PAPPA2: variants seen among roughly 807,000 people sequenced by gnomAD.
PAPPA2 encodes the protein pappalysin 2, also known as pappalysin-2.
A neutral mutation model predicts 176.4 loss-of-function variants in PAPPA2; 86 were observed. That is an observed-to-expected ratio of 0.49 (90% CI 0.41 to 0.58). The LOEUF (loss-of-function observed/expected upper bound fraction) is 0.58, where lower values mean the gene tolerates loss of function less well. Ranked by LOEUF, PAPPA2 falls within the 20% of genes least tolerant of loss-of-function variation. The pLI is 0.00. For synonymous variants in PAPPA2, 809 were observed against 852.2 expected (o/e 0.95, Z 0.88); for missense variants, 2,073 against 2,256.9 (o/e 0.92, Z 1.65).
At chr1:176,644,386 T>C (rs895777452) in intron 3 of PAPPA2, among the ~76,000 whole-genome samples, 5 of 151,874 alleles carry the variant, frequency 3.3e-5, no homozygotes, top group African/African-American at 1.2e-4. Context: ...CTGGAGTTTA[T>C]GAGTGACAGG....
chr1:176,741,424 G>A lies in PAPPA2; in HGVS notation c.4151+1228G>A, dbSNP rs116073315. 8.6e-3 allele frequency among the ~76,000 whole-genome samples: 1,315 copies of A among 152,294 alleles called. 17 individuals are homozygous for A. Among genetic ancestry groups the A allele is most frequent in the African/African-American group, 0.028 (1,156 of 41,552 alleles). Reference sequence around the variant, plus strand: ...TCTCCGCAGCTATCTGAGTGTCTTTGTGACATGGCAGCCAGTGATCCAAGA... The same window carrying A: ...TCTCCGCAGCTATCTGAGTGTCTTTATGACATGGCAGCCAGTGATCCAAGA... On this transcript the variant is annotated intron_variant, in intron 14 of 22. Coordinates refer to ENST00000367662, the MANE Select transcript of PAPPA2 (RefSeq NM_020318.3).
chr1:176,743,132 G>A (rs1662759277), intron 14 of PAPPA2, among the ~76,000 whole-genome samples: 1 of 152,118 alleles, frequency 6.6e-6, no homozygotes, highest in Non-Finnish European at 1.5e-5. Context: ...AAGCAAGCCT[G>A]GCAGCCAGAA....
chr1:176,769,551 C>T, intron 15 of PAPPA2, 56 bp from the exon 16 acceptor site: 1 of 1,534,152 alleles, frequency 6.5e-7, no homozygotes. Flanking sequence ...AGCCTGGAAA[C>T]TACTCTGATA....
intron 20 of PAPPA2, among the ~76,000 whole-genome samples, chr1:176,795,424 T>A (rs761442449): frequency 1.3e-5 from 2 of 152,172 alleles, no homozygotes; most frequent in African/African-American, 4.8e-5. Flanking sequence ...CTTTTTGTTT[T>A]CCCAAAAAGC....
intron 1 of PAPPA2, among the ~76,000 whole-genome samples, chr1:176,515,713 T>C (rs2102529901): frequency 6.6e-6 from 1 of 152,154 alleles, no homozygotes; most frequent in Non-Finnish European, 1.5e-5. Context: ...CATTTTGGCT[T>C]TTTTTTTCAC....
intron 3 of PAPPA2, among the ~76,000 whole-genome samples, chr1:176,645,274 C>T (rs1198432089): frequency 6.6e-6 from 1 of 151,698 alleles, no homozygotes; most frequent in Non-Finnish European, 1.5e-5. Context: ...CTCTGGTAAC[C>T]ACAATTCTAC....
Position 176,597,935 on chromosome 1 carries a change from C to G in PAPPA2, c.1991+2340C>G, listed in dbSNP as rs552334237. 5.9e-5 allele frequency among the ~76,000 whole-genome samples: 9 copies of G among 152,250 alleles called. No individual in the cohort carries two copies. The East Asian group carries it at 1.5e-3, about 26-fold the overall frequency. On this transcript the variant is annotated intron_variant, in intron 3 of 22. Coordinates refer to ENST00000367662, the MANE Select transcript of PAPPA2 (RefSeq NM_020318.3). ...TTTCTCTGAGTTCCTATCACACTGC[C>G]CTTATCTGGGTGTTTATAACTTACT...
At chr1:176,664,831 A>G (rs1460975432) in intron 3 of PAPPA2, among the ~76,000 whole-genome samples, 1 of 152,166 alleles carries the variant, frequency 6.6e-6, no homozygotes, top group Admixed American at 6.5e-5. Context: ...GGTTTTCCAT[A>G]TTTGAATTTC....
At chr1:176,491,788 AT>A (rs1475775010) in intron 1 of PAPPA2, among the ~76,000 whole-genome samples, 1 of 152,120 alleles carries the variant, frequency 6.6e-6, no homozygotes, top group African/African-American at 2.4e-5. Context: ...AGTATTTCTA[AT>A]TTTTACTCAG....
intron 3 of PAPPA2, among the ~76,000 whole-genome samples, chr1:176,626,095 AT>A (rs1655994113): frequency 6.6e-6 from 1 of 152,162 alleles, no homozygotes; most frequent in Non-Finnish European, 1.5e-5. Context: ...AATTTACATA[AT>A]TTAAGTAATT....
Position 176,843,841 on chromosome 1 carries a change from A to G in PAPPA2, c.*1387A>G, listed in dbSNP as rs777653943. ...AATCTGAGATAAATTCTCTTCAAGT[A>G]TCATGTACAAAATCTGTGAGCCAGA... On this transcript the variant is annotated 3_prime_UTR_variant, in exon 23 of 23. Transcript: ENST00000367662. 6.6e-6 allele frequency: 1 copy of G among 152,146 alleles called. No homozygotes were observed. The highest frequency in any genetic ancestry group is 1.5e-5 in the Non-Finnish European group (1 of 68,018). 9.4% of individuals were successfully genotyped at this position (152,146 alleles called of 1,614,324 possible).
intron 3 of PAPPA2, among the ~76,000 whole-genome samples, chr1:176,602,254 G>A (rs533990205): frequency 7.2e-5 from 11 of 152,254 alleles, no homozygotes; most frequent in Non-Finnish European, 1.5e-4. Flanking sequence ...TGGGGAGTTC[G>A]AGGGCGGAGG....
chr1:176,568,267 C>T (rs1374263036), intron 2 of PAPPA2, among the ~76,000 whole-genome samples: 1 of 152,170 alleles, frequency 6.6e-6, no homozygotes, highest in East Asian at 1.9e-4. Flanking sequence ...CATGCAAATG[C>T]ACGCTCAATC....
At chr1:176,487,705 G>T (rs1490557328) in intron 1 of PAPPA2, among the ~76,000 whole-genome samples, 1 of 152,148 alleles carries the variant, frequency 6.6e-6, no homozygotes, top group African/African-American at 2.4e-5. Flanking sequence ...GACCTTGTAG[G>T]GGTAGAGGTT....
At chr1:176,507,935 G>T (rs975065457) in intron 1 of PAPPA2, among the ~76,000 whole-genome samples, 1 of 152,074 alleles carries the variant, frequency 6.6e-6, no homozygotes, top group Admixed American at 6.6e-5. Context: ...TATATAAAAA[G>T]CAGAAAAGCT....
At position 176,793,596 on chromosome 1, in the gene PAPPA2, G is replaced by A; in HGVS notation, c.5057G>A (p.Ser1686Asn). ...TCCCCATTGTGTGTAATCCCCCCCA[G>A]TGACCCCGTGATGCTACCTGAGAAT... Reference protein sequence around the residue: ...VCSPLCVIPPSDPVMLPENIT... With the variant: ...VCSPLCVIPPNDPVMLPENIT... The change falls in exon 20 of 23, where the codon AGT becomes AAT. Residue 1686 changes from serine (S) to asparagine (N), a missense_variant. Coordinates refer to ENST00000367662, the MANE Select transcript of PAPPA2 (RefSeq NM_020318.3). 1 of 1,613,152 alleles carries A rather than the reference G, an allele frequency of 6.2e-7. No homozygotes were observed. The highest frequency in any genetic ancestry group is 8.5e-7 in the Non-Finnish European group (1 of 1,179,394).
chr1:176,683,229 C>G (rs1361130095), intron 4 of PAPPA2, among the ~76,000 whole-genome samples: 1 of 151,984 alleles, frequency 6.6e-6, no homozygotes, highest in Non-Finnish European at 1.5e-5. Context: ...TTTCTTCCCC[C>G]ACACCATCCC....
At chr1:176,537,459 T>C (rs771660611) in intron 1 of PAPPA2, 8 of 152,236 alleles carry the variant, frequency 5.3e-5, no homozygotes, top group Non-Finnish European at 7.3e-5. Flanking sequence ...ATCTGGCATG[T>C]ATTTTAAATG....
At chr1:176,580,936 C>A (rs1027218370) in intron 2 of PAPPA2, among the ~76,000 whole-genome samples, 1 of 152,150 alleles carries the variant, frequency 6.6e-6, no homozygotes, top group Admixed American at 6.5e-5. Flanking sequence ...ATTGTCTTTT[C>A]ACTCTTTCAG....
Sources: gnomAD v4.1 joint callset for allele counts (sites outside exome capture counted in the v4.1 genomes callset) on GRCh38, gnomAD v4.1.1 for gene constraint, MANE v1.5 for transcripts, NCBI Gene and HGNC (gene_info 2026-07-23, HGNC 2026-07-21) for gene names.